Variants in EYA4 observed in about 807,000 individuals in gnomAD.
EYA4 encodes the protein EYA transcriptional coactivator and phosphatase 4, also known as protein phosphatase EYA4.
A neutral mutation model predicts 87.9 loss-of-function variants in EYA4; 31 were observed. The ratio of observed to expected loss-of-function variants is 0.35; its 90% CI spans 0.27 to 0.48. The LOEUF (loss-of-function observed/expected upper bound fraction) is 0.48, where lower values mean the gene tolerates loss of function less well. EYA4 is among the 20% of genes least tolerant of loss of function. The pLI is 0.99. For missense variants in EYA4, 678 were observed against 761.4 expected, an observed-to-expected ratio of 0.89 and a Z score of 1.29; for synonymous variants, 263 against 270.6, an observed-to-expected ratio of 0.97 and a Z score of 0.28.
chr6:133,383,898 A>G (rs886459399), intron 3 of EYA4, among the ~76,000 whole-genome samples: 10 of 152,314 alleles, frequency 6.6e-5, no homozygotes, highest in South Asian at 2.1e-4. Context: ...CTGGGGCTCT[A>G]TTCCTTGGAG....
At chr6:133,372,802 A>C (rs1241009796) in intron 2 of EYA4, among the ~76,000 whole-genome samples, 3 of 151,796 alleles carry the variant, frequency 2.0e-5, no homozygotes, top group Non-Finnish European at 2.9e-5. Context: ...ATATGTTGTT[A>C]AATTTAAAAT....
chr6:133,478,081 TA>T (rs978513295), intron 11 of EYA4, among the ~76,000 whole-genome samples: 7 of 151,672 alleles, frequency 4.6e-5, no homozygotes, highest in Non-Finnish European at 8.8e-5. Context: ...ATGGTGAAAA[TA>T]AAAAAACGCT....
chr6:133,448,223 T>G (rs1277719285), intron 5 of EYA4, 44 bp downstream of exon 5: 1 of 1,431,346 alleles, frequency 7.0e-7, no homozygotes, highest in South Asian at 1.1e-5. Flanking sequence ...GGTGTGTGGA[T>G]TTGCCCCTCT....
chr6:133,509,863 T>G (rs1798991876), intron 14 of EYA4, among the ~76,000 whole-genome samples: 1 of 152,192 alleles, frequency 6.6e-6, no homozygotes, highest in Non-Finnish European at 1.5e-5. Flanking sequence ...TTGGTCAAAA[T>G]GATTCTTACA....
rs1562368948 is a variant in EYA4 at position 133,394,282 on chromosome 6, G to GTATTTT, written c.83+11842_83+11843insATTTTT. On this transcript the variant is annotated intron_variant, in intron 3 of 19. Transcript: ENST00000355286. ...GTTGGAAAAATGTATATATAAGCTT[G>GTATTTT]TGTTTTTTTTTTTTTTTTTTTTTTT... is the stretch of plus-strand genomic sequence containing the variant. Among the ~76,000 whole-genome samples, 96 of 107,812 alleles carry GTATTTT rather than the reference G, an allele frequency of 8.9e-4. 18 individuals carry two copies. Among genetic ancestry groups the GTATTTT allele is most frequent in the East Asian group, 1.9e-3 (7 of 3,704 alleles). The allele number at this position is 107,812 out of a possible 152,430, so 70.7% of individuals were successfully genotyped here.
chr6:133,268,577 G>GC (rs1459500484), intron 1 of EYA4, among the ~76,000 whole-genome samples: 1 of 152,156 alleles, frequency 6.6e-6, no homozygotes, highest in Non-Finnish European at 1.5e-5. Flanking sequence ...CAAGTCTTGG[G>GC]CAGCTCTGTG....
intron 5 of EYA4, among the ~76,000 whole-genome samples, chr6:133,456,178 A>C (rs1219912614): frequency 1.3e-5 from 2 of 152,140 alleles, no homozygotes; most frequent in South Asian, 4.1e-4. Context: ...GGGAAAAATA[A>C]AATATAAGCT....
intron 19 of EYA4, among the ~76,000 whole-genome samples, chr6:133,526,709 T>C (rs1018969969): frequency 5.3e-5 from 8 of 152,182 alleles, no homozygotes; most frequent in Non-Finnish European, 7.3e-5. Context: ...CTTTCATTGC[T>C]GACTACTACT....
intron 2 of EYA4, among the ~76,000 whole-genome samples, chr6:133,364,434 C>T (rs1374970866): frequency 3.9e-5 from 6 of 152,242 alleles, no homozygotes; most frequent in East Asian, 1.9e-4. Context: ...GTTGGACATG[C>T]GACACACCCA....
intron 14 of EYA4, 130 bp downstream of exon 14, chr6:133,506,325 CAAGAG>C: frequency 1.6e-6 from 1 of 611,650 alleles, no homozygotes; most frequent in East Asian, 2.8e-5. Flanking sequence ...AAGTTCTTGT[CAAGAG>C]GAAAAATTGT....
chr6:133,474,154 T>G (rs1324184830), intron 11 of EYA4, among the ~76,000 whole-genome samples: 1 of 151,746 alleles, frequency 6.6e-6, no homozygotes, highest in East Asian at 1.9e-4. Context: ...GACTGAATGA[T>G]GGACAAGACC....
intron 3 of EYA4, among the ~76,000 whole-genome samples, chr6:133,428,153 C>T (rs1790840135): frequency 6.6e-6 from 1 of 152,078 alleles, no homozygotes; most frequent in South Asian, 2.1e-4. Flanking sequence ...TTAGAAGAGT[C>T]TATAGAAAAT....
At chr6:133,292,226 T>C (rs1778546504) in intron 2 of EYA4, among the ~76,000 whole-genome samples, 1 of 152,208 alleles carries the variant, frequency 6.6e-6, no homozygotes, top group Non-Finnish European at 1.5e-5. Flanking sequence ...TCTGCAAAAG[T>C]AAGTCAGGAA....
chr6:133,293,012 A>G (rs1031113261), intron 2 of EYA4, among the ~76,000 whole-genome samples: 4 of 152,204 alleles, frequency 2.6e-5, no homozygotes, highest in African/African-American at 9.7e-5. Flanking sequence ...TTCGTTGGCC[A>G]CTGGTCATCT....
In EYA4 at chr6:133,382,794, C is replaced by CAA. The variant is rs34082768; in HGVS notation, c.83+368_83+369dup. On this transcript the variant is annotated intron_variant, in intron 3 of 19. Coordinates refer to ENST00000355286, the MANE Select transcript of EYA4 (RefSeq NM_004100.5). ...TGAATAACTGTCAAATCTGTGTTTA[C>CAA]AAAAAAAAAAAAAAAACTATGATAT... Among the ~76,000 whole-genome samples, 1,275 of 130,870 alleles carry CAA rather than the reference C, an allele frequency of 9.7e-3. 61 individuals carry two copies. In the East Asian group the frequency reaches 0.15, roughly 16 times the overall value. 85.9% of individuals were successfully genotyped at this position (130,870 alleles called of 152,430 possible).
At chr6:133,411,135 G>T (rs1400276361) in intron 3 of EYA4, among the ~76,000 whole-genome samples, 1 of 152,072 alleles carries the variant, frequency 6.6e-6, no homozygotes, top group African/African-American at 2.4e-5. Flanking sequence ...ATGTTTTATT[G>T]TATAGTACAA....
chr6:133,465,352 G>GT (rs749281563), intron 10 of EYA4, among the ~76,000 whole-genome samples: 1 of 152,002 alleles, frequency 6.6e-6, no homozygotes, highest in Non-Finnish European at 1.5e-5. Context: ...TAATTTTTCT[G>GT]TTTTTTAGTT....
intron 3 of EYA4, among the ~76,000 whole-genome samples, chr6:133,413,533 G>A (rs1789434462): frequency 6.6e-6 from 1 of 151,518 alleles, no homozygotes; most frequent in Non-Finnish European, 1.5e-5. Flanking sequence ...TTCTAAGACA[G>A]TATCTTTCTG....
At chr6:133,261,696 G>T (rs1775809323) in intron 1 of EYA4, among the ~76,000 whole-genome samples, 1 of 152,138 alleles carries the variant, frequency 6.6e-6, no homozygotes, top group South Asian at 2.1e-4. Flanking sequence ...GTTGAGCAGG[G>T]TTAAAAATAA....
Sources: allele counts gnomAD v4.1 joint callset (sites outside exome capture counted in the v4.1 genomes callset), GRCh38; gene constraint gnomAD v4.1.1; transcripts MANE v1.5; gene names NCBI Gene and HGNC (gene_info 2026-07-23, HGNC 2026-07-21).